Variants in NCAM1 observed in about 807,000 individuals in gnomAD.
The protein encoded by NCAM1 is antigen recognized by monoclonal antibody 5.1H11.
Under a neutral mutation model 109.8 loss-of-function variants are expected in NCAM1, and 14 were observed. That is an observed-to-expected ratio of 0.13 (90% confidence interval 0.08 to 0.20). NCAM1 has a LOEUF of 0.20. Ranked by LOEUF, NCAM1 falls within the 10% of genes least tolerant of loss-of-function variation. The pLI is 1.00. For synonymous variants in NCAM1, 418 were observed against 442.9 expected, an observed-to-expected ratio of 0.94 and a Z score of 0.70; for missense variants, 774 against 1,109.9, an observed-to-expected ratio of 0.70 and a Z score of 4.30.
At chr11:113,040,446 T>C (rs782445944) in intron 1 of NCAM1, among the ~76,000 whole-genome samples, 6 of 152,198 alleles carry the variant, frequency 3.9e-5, no homozygotes, top group South Asian at 2.1e-4. Context: ...ATTGTAAATA[T>C]TTAGGTTTTA....
chr11:112,999,826 T>A (rs1218240744), intron 1 of NCAM1, among the ~76,000 whole-genome samples: 1 of 152,180 alleles, frequency 6.6e-6, no homozygotes, highest in Non-Finnish European at 1.5e-5. Context: ...TAGAATGAAG[T>A]GTATGTTGAT....
rs560334669 is a variant in NCAM1 at position 113,262,005 on chromosome 11, G to A, written c.2131+1682G>A. 2.0e-5 allele frequency among the ~76,000 whole-genome samples: 3 copies of A among 152,216 alleles called. No homozygotes were observed. In the South Asian group the frequency reaches 6.2e-4, roughly 32 times the overall value. ...CCCACTTAAGCCAGAGAGGGCTGGG[G>A]GATTGCTCACCTCACCGGTGACGGC... On this transcript the variant is annotated intron_variant, in intron 17 of 19. Transcript: ENST00000316851.
chr11:113,035,256 A>G (rs1194702118), intron 1 of NCAM1, among the ~76,000 whole-genome samples: 1 of 152,146 alleles, frequency 6.6e-6, no homozygotes, highest in Non-Finnish European at 1.5e-5. Flanking sequence ...TTGATTCTCA[A>G]TTTTTCCCTT....
chr11:113,188,012 C>T (rs1339382391), intron 1 of NCAM1, among the ~76,000 whole-genome samples: 1 of 152,152 alleles, frequency 6.6e-6, no homozygotes, highest in African/African-American at 2.4e-5. Context: ...AGTATGTATT[C>T]ATATAGATCA....
At chr11:113,087,888 C>T (rs563095029) in intron 1 of NCAM1, among the ~76,000 whole-genome samples, 2 of 152,274 alleles carry the variant, frequency 1.3e-5, no homozygotes, top group African/African-American at 2.4e-5. Flanking sequence ...CTATCCTTAG[C>T]GGCTAAGATC....
At chr11:113,183,953 G>A (rs371038305) in intron 1 of NCAM1, among the ~76,000 whole-genome samples, 16 of 152,234 alleles carry the variant, frequency 1.1e-4, no homozygotes, top group African/African-American at 3.4e-4. Context: ...TGTAGGCAAT[G>A]TCTAGGGAGT....
chr11:113,221,037 A>AG (rs1486554727), intron 8 of NCAM1, among the ~76,000 whole-genome samples: 1 of 152,230 alleles, frequency 6.6e-6, no homozygotes, highest in Non-Finnish European at 1.5e-5. Context: ...ATTCATATCT[A>AG]GGTATACCAA....
At chr11:113,127,319 G>A (rs565184711) in intron 1 of NCAM1, among the ~76,000 whole-genome samples, 11 of 152,294 alleles carry the variant, frequency 7.2e-5, no homozygotes, top group African/African-American at 2.6e-4. Flanking sequence ...GCTTATCAGA[G>A]CTCTGCAAAA....
intron 1 of NCAM1, among the ~76,000 whole-genome samples, chr11:113,192,013 A>G (rs1245571767): frequency 7.9e-5 from 12 of 152,214 alleles, no homozygotes; most frequent in African/African-American, 2.9e-4. Context: ...GAATGTAAAG[A>G]ATAAAACATC....
rs530184238 is a variant in NCAM1, at chr11:113,050,891, C to T, written c.52+89227C>T. 5.7e-4 allele frequency among the ~76,000 whole-genome samples: 87 copies of T among 152,280 alleles called. 1 individual carries two copies. Among genetic ancestry groups the T allele is most frequent in the African/African-American group, 2.0e-3 (85 of 41,550 alleles). On this transcript the variant is annotated intron_variant, in intron 1 of 19. Coordinates refer to ENST00000316851, the MANE Select transcript of NCAM1 (RefSeq NM_181351.5). ...TATATTCAGATATTAAAAATAATTT[C>T]TGAGACAAAATTTTCACAAAATATT...
intron 1 of NCAM1, among the ~76,000 whole-genome samples, chr11:113,096,009 A>G (rs1939580668): frequency 6.6e-6 from 1 of 152,186 alleles, no homozygotes; most frequent in South Asian, 2.1e-4. Context: ...ATTATAATTA[A>G]TTATTGCTAT....
At chr11:113,131,909 T>C (rs1941401675) in intron 1 of NCAM1, among the ~76,000 whole-genome samples, 1 of 152,106 alleles carries the variant, frequency 6.6e-6, no homozygotes, top group African/African-American at 2.4e-5. Flanking sequence ...TAAAGGGAAG[T>C]AGGTTTGGAG....
rs562641521 is a variant in NCAM1 at position 113,014,448 on chromosome 11, C to T, written c.52+52784C>T. Among the ~76,000 whole-genome samples, 420 of 152,220 alleles carry T rather than the reference C, an allele frequency of 2.8e-3. 1 individual carries two copies. The highest frequency in any genetic ancestry group is 9.7e-3 in the African/African-American group (404 of 41,530). ...AAGTTATTCCCATAGGGCTCATTCC[C>T]GTCTGCCCAGCATCACCCCTGACAC... On this transcript the variant is annotated intron_variant, in intron 1 of 19. Transcript: ENST00000316851.
At position 113,081,690 on chromosome 11, in the gene NCAM1, C is replaced by T. The variant is rs184303589; in HGVS notation, c.52+120026C>T. On this transcript the variant is annotated intron_variant, in intron 1 of 19. Transcript: ENST00000316851. ...CTGAGATTACAGGTGTCCACCACCA[C>T]ACCCAGCTAATATTTATATTTGTAG... Among the ~76,000 whole-genome samples the T allele has an allele frequency of 4.8e-4, 73 of 152,230 alleles. 1 individual carries two copies. Among genetic ancestry groups the T allele is most frequent in the African/African-American group, 1.6e-3 (68 of 41,526 alleles).
chr11:113,273,977 A>G lies in NCAM1; in HGVS notation c.2457-1290A>G, dbSNP rs1946353070. ...GCCATGTTAATTATGTTTTATCCTT[A>G]TCATCCTAGCAGCGGCTTCTGTTTT... On this transcript the variant is annotated intron_variant, in intron 19 of 19. Transcript: ENST00000316851. This position sits in a 1 kb window ranked among gnomAD's most constrained non-coding sequence, Gnocchi z 6.0. 1 of 159,472 alleles carries G rather than the reference A, an allele frequency of 6.3e-6. No homozygotes were observed. The highest frequency in any genetic ancestry group is 1.7e-4 in the South Asian group (1 of 6,020). The allele number at this position is 159,472 out of a possible 1,614,324, so 9.9% of individuals were successfully genotyped here. A position where few individuals can be genotyped will look rare whatever the true frequency, so the allele number is the denominator to read the frequency against.
chr11:113,170,080 T>G (rs1283328085), intron 1 of NCAM1, among the ~76,000 whole-genome samples: 4 of 152,212 alleles, frequency 2.6e-5, no homozygotes, highest in Non-Finnish European at 5.9e-5. Context: ...TATATTTCTG[T>G]GGTGCTTTTC....
intron 1 of NCAM1, among the ~76,000 whole-genome samples, chr11:113,051,556 G>T (rs545920999): frequency 6.6e-6 from 1 of 152,012 alleles, no homozygotes; most frequent in East Asian, 1.9e-4. Flanking sequence ...TTAACATTTT[G>T]GTGTCTATCC....
intron 1 of NCAM1, among the ~76,000 whole-genome samples, chr11:112,991,707 G>GTATTTTT (rs2134829862): frequency 6.6e-6 from 1 of 152,088 alleles, no homozygotes; most frequent in South Asian, 2.1e-4. Context: ...TAGTGATTTT[G>GTATTTTT]TATTTTTTAT....
chr11:113,064,480 C>A (rs913725326), intron 1 of NCAM1, among the ~76,000 whole-genome samples: 16 of 152,102 alleles, frequency 1.1e-4, no homozygotes, highest in East Asian at 1.9e-4. Context: ...ACCAATATAC[C>A]TTTTCTTCTT....
Sources: gnomAD v4.1 joint callset for allele counts (sites outside exome capture counted in the v4.1 genomes callset) on GRCh38, gnomAD v4.1.1 for gene constraint, Gnocchi (gnomAD v3.1) non-coding constraint, MANE v1.5 for transcripts, NCBI Gene and HGNC (gene_info 2026-07-23, HGNC 2026-07-21) for gene names.